The following NKAIN3 variants were observed in gnomAD, a reference collection of about 807,000 sequenced individuals.
NKAIN3 encodes the protein sodium/potassium-transporting ATPase subunit beta-1-interacting protein 3.
NKAIN3 carries 25 observed loss-of-function variants against 30.2 expected under a neutral mutation model. The ratio of observed to expected loss-of-function variants is 0.83; its 90% CI spans 0.60 to 1.16. NKAIN3 has a LOEUF of 1.16. Among genes scored for constraint, NKAIN3 ranks in the 50% most tolerant of loss-of-function variants. The pLI, the probability that NKAIN3 is intolerant of heterozygous loss-of-function variation, is 0.00. For synonymous variants in NKAIN3, 91 were observed against 89.6 expected (o/e 1.02, Z -0.09); for missense variants, 225 against 254.1 (o/e 0.89, Z 0.78).
At chr8:62,860,319 A>T (rs1820201263) in intron 4 of NKAIN3, among the ~76,000 whole-genome samples, 1 of 152,194 alleles carries the variant, frequency 6.6e-6, no homozygotes, top group African/African-American at 2.4e-5. Flanking sequence ...CCTACTTGTG[A>T]CACTGGGCAG....
intron 3 of NKAIN3, among the ~76,000 whole-genome samples, chr8:62,729,226 C>T (rs1815390656): frequency 6.6e-6 from 1 of 151,882 alleles, no homozygotes; most frequent in Non-Finnish European, 1.5e-5. Context: ...GGACAGACTC[C>T]TCAACAAGGA....
intron 3 of NKAIN3, among the ~76,000 whole-genome samples, chr8:62,612,493 T>A (rs1358350151): frequency 6.6e-5 from 10 of 151,914 alleles, no homozygotes; most frequent in Non-Finnish European, 1.5e-4. Context: ...TGTGTGTCTT[T>A]ATAGGTGATG....
rs1043930028 is a variant in NKAIN3, at chr8:62,248,941, G to C, written c.-133G>C. The C allele has an allele frequency of 2.8e-5, 21 of 763,140 alleles. No individual in the cohort carries two copies. Among genetic ancestry groups the C allele is most frequent in the Non-Finnish European group, 6.0e-6 (3 of 502,678 alleles). 47.3% of individuals were successfully genotyped at this position (763,140 alleles called of 1,614,324 possible). A position where few individuals can be genotyped will look rare whatever the true frequency, so the allele number is the denominator to read the frequency against. ...AGGCGGGCGCGAGCCCCGAGCCCTG[G>C]AGCCGCGAGCGGCGGCCGCGGGGCC... On this transcript the variant is annotated 5_prime_UTR_variant, in exon 1 of 7. Coordinates refer to ENST00000623646, the MANE Select transcript of NKAIN3 (RefSeq NM_001304533.3).
intron 4 of NKAIN3, among the ~76,000 whole-genome samples, chr8:62,876,729 C>A (rs1352149184): frequency 2.0e-5 from 3 of 152,024 alleles, no homozygotes; most frequent in African/African-American, 7.2e-5. Flanking sequence ...AACCAAACAC[C>A]CCATGTTCTC....
chr8:62,689,569 T>C (rs1056124876), intron 3 of NKAIN3, among the ~76,000 whole-genome samples: 2 of 152,144 alleles, frequency 1.3e-5, no homozygotes, highest in African/African-American at 2.4e-5. Flanking sequence ...TATCAGGTTT[T>C]AAAACCTCAG....
intron 1 of NKAIN3, among the ~76,000 whole-genome samples, chr8:62,575,457 T>G (rs1243989503): frequency 6.6e-6 from 1 of 152,054 alleles, no homozygotes; most frequent in East Asian, 1.9e-4. Context: ...ATGAAAGAAA[T>G]TTTAAGAGGA....
chr8:62,957,569 A>G (rs78867188), intron 6 of NKAIN3, among the ~76,000 whole-genome samples: 10,082 of 152,278 alleles, frequency 0.066, 582 homozygotes, highest in East Asian at 0.28. Flanking sequence ...GCATCATGAA[A>G]TGACATGGAG....
At chr8:62,995,461 G>A (rs953240791) in intron 5 of NKAIN3, among the ~76,000 whole-genome samples, 9 of 152,242 alleles carry the variant, frequency 5.9e-5, no homozygotes. Context: ...TGGTGCCTGA[G>A]AGGGAAGGGA....
intron 3 of NKAIN3, among the ~76,000 whole-genome samples, chr8:62,656,248 C>T (rs894082161): frequency 3.3e-4 from 50 of 152,282 alleles, no homozygotes; most frequent in African/African-American, 1.1e-3. Flanking sequence ...AACTTATTCT[C>T]ATCTCAGCCT....
At chr8:62,940,830 T>C (rs544729889) in intron 5 of NKAIN3, among the ~76,000 whole-genome samples, 3 of 150,980 alleles carry the variant, frequency 2.0e-5, no homozygotes, top group Admixed American at 6.6e-5. Context: ...AGAGCACAAA[T>C]AGACAATCTC....
intron 4 of NKAIN3, among the ~76,000 whole-genome samples, chr8:62,875,341 A>C (rs1820763359): frequency 6.6e-6 from 1 of 152,110 alleles, no homozygotes; most frequent in Non-Finnish European, 1.5e-5. Flanking sequence ...CAAACAAATG[A>C]AAAAACATTC....
chr8:62,323,959 G>A (rs1009920862), intron 1 of NKAIN3, among the ~76,000 whole-genome samples: 11 of 152,048 alleles, frequency 7.2e-5, no homozygotes, highest in African/African-American at 2.7e-4. Context: ...GGGTACAGAG[G>A]GAGGGAGAGA....
intron 1 of NKAIN3, among the ~76,000 whole-genome samples, chr8:62,448,946 A>G (rs560271786): frequency 6.6e-6 from 1 of 151,896 alleles, no homozygotes; most frequent in African/African-American, 2.4e-5. Context: ...TCCAATGTCT[A>G]TTGAAGGAAA....
intron 1 of NKAIN3, among the ~76,000 whole-genome samples, chr8:62,313,051 G>C (rs768844449): frequency 1.7e-4 from 26 of 152,024 alleles, no homozygotes; most frequent in Non-Finnish European, 2.9e-4. Flanking sequence ...CAGGTGAATA[G>C]TGAGACAACA....
At chr8:62,474,985 A>G (rs145861212) in intron 1 of NKAIN3, among the ~76,000 whole-genome samples, 2,365 of 152,306 alleles carry the variant, frequency 0.016, 74 homozygotes, top group African/African-American at 0.055. Context: ...ACATATTGTA[A>G]TTCTCAGAGC....
At chr8:62,741,712 G>A (rs1464995369) in intron 3 of NKAIN3, among the ~76,000 whole-genome samples, 9 of 152,164 alleles carry the variant, frequency 5.9e-5, no homozygotes. Context: ...TCTAATTGCA[G>A]CTTTGTGTTT....
Position 62,351,086 on chromosome 8 carries a change from T to C in NKAIN3, c.54+101959T>C, listed in dbSNP as rs758813729. ...AAAATTAAAATGTAAATAGTATATA[T>C]AATAAATGTATAAATATATAATATA... is the stretch of plus-strand genomic sequence containing the variant. On this transcript the variant is annotated intron_variant, in intron 1 of 6. Transcript: ENST00000623646. 1.5e-3 allele frequency among the ~76,000 whole-genome samples: 229 copies of C among 149,108 alleles called. 1 individual carries two copies. The highest frequency in any genetic ancestry group is 3.8e-3 in the Admixed American group (57 of 14,872).
At position 62,476,565 on chromosome 8, in the gene NKAIN3, T is replaced by G. The variant is rs1383924956; in HGVS notation, c.55-102974T>G. On this transcript the variant is annotated intron_variant, in intron 1 of 6. Transcript: ENST00000623646. Reference sequence around the variant, plus strand: ...TCCACCTCCTAGGTTCAAGCGATTCTCTTGCCTCAGCCTCCTGAGTAGCTG... The same window carrying G: ...TCCACCTCCTAGGTTCAAGCGATTCGCTTGCCTCAGCCTCCTGAGTAGCTG... Among the ~76,000 whole-genome samples the G allele has an allele frequency of 6.6e-5, 10 of 152,116 alleles. 1 individual carries two copies. Among genetic ancestry groups the G allele is most frequent in the Non-Finnish European group, 1.5e-4 (10 of 68,022 alleles).
intron 1 of NKAIN3, among the ~76,000 whole-genome samples, chr8:62,523,827 G>A (rs556866628): frequency 2.0e-5 from 3 of 152,192 alleles, no homozygotes; most frequent in East Asian, 1.9e-4. Context: ...CTCCTTTGGC[G>A]TGTACAGTGG....
Sources: gnomAD v4.1 joint callset for allele counts (sites outside exome capture counted in the v4.1 genomes callset) on GRCh38, gnomAD v4.1.1 for gene constraint, MANE v1.5 for transcripts, NCBI Gene and HGNC (gene_info 2026-07-23, HGNC 2026-07-21) for gene names.